The following FRAS1 variants were observed in gnomAD, a reference collection of about 807,000 sequenced individuals.
The protein encoded by FRAS1 is Fraser extracellular matrix complex subunit 1.
FRAS1 carries 290 observed loss-of-function variants against 435.2 expected under a neutral mutation model. The ratio of observed to expected loss-of-function variants is 0.67; its 90% CI spans 0.61 to 0.73. FRAS1 has a LOEUF of 0.73. Ranked by LOEUF, FRAS1 falls within the 30% of genes least tolerant of loss-of-function variation. The pLI, the probability that FRAS1 is intolerant of heterozygous loss-of-function variation, is 0.00. For synonymous variants in FRAS1, 1,800 were observed against 1,851.0 expected, an observed-to-expected ratio of 0.97 and a Z score of 0.71; for missense variants, 4,860 against 5,001.5, an observed-to-expected ratio of 0.97 and a Z score of 0.85.
intron 4 of FRAS1, among the ~76,000 whole-genome samples, chr4:78,252,168 T>TA (rs1204079499): frequency 6.6e-6 from 1 of 152,158 alleles, no homozygotes; most frequent in East Asian, 1.9e-4. Context: ...AATTTGTAAA[T>TA]AAAAAATCTT....
intron 2 of FRAS1, among the ~76,000 whole-genome samples, chr4:78,229,228 A>G (rs930122594): frequency 6.6e-6 from 1 of 152,118 alleles, no homozygotes; most frequent in Non-Finnish European, 1.5e-5. Context: ...GATAAAATCT[A>G]TCTCAAAGGT....
At chr4:78,285,830 G>C (rs903362974) in intron 13 of FRAS1, among the ~76,000 whole-genome samples, 11 of 152,178 alleles carry the variant, frequency 7.2e-5, no homozygotes, top group African/African-American at 2.4e-4. Flanking sequence ...TAGGTGCCTA[G>C]CCTGATGTCT....
intron 2 of FRAS1, among the ~76,000 whole-genome samples, chr4:78,080,064 C>G (rs1740826670): frequency 6.6e-6 from 1 of 152,100 alleles, no homozygotes; most frequent in Non-Finnish European, 1.5e-5. Flanking sequence ...TCCCCTTTGG[C>G]CCCAAAGGGG....
chr4:78,236,725 A>C (rs774892600), intron 2 of FRAS1, among the ~76,000 whole-genome samples: 2 of 152,222 alleles, frequency 1.3e-5, no homozygotes, highest in Admixed American at 1.3e-4. Context: ...AGCATGAGGA[A>C]AGGTGAGAAA....
chr4:78,065,947 T>G lies in FRAS1; in HGVS notation c.77-38T>G, dbSNP rs372634090. The G allele has an allele frequency of 3.8e-5, 59 of 1,549,420 alleles. No homozygotes were observed. The African/African-American group carries it at 6.7e-4, about 18-fold the overall frequency. On this transcript the variant is annotated intron_variant, in intron 1 of 73. Coordinates refer to ENST00000512123, the MANE Select transcript of FRAS1 (RefSeq NM_025074.7). ...TGGGGCAGTGCCTATTGGTTTATTA[T>G]GCATCCCTTTTAATTCTTGTTTTGT...
chr4:78,228,485 C>T (rs1225190766), intron 2 of FRAS1, among the ~76,000 whole-genome samples: 2 of 152,124 alleles, frequency 1.3e-5, no homozygotes, highest in Non-Finnish European at 1.5e-5. Context: ...GCCTGTATTT[C>T]TATTGCTTCA....
intron 2 of FRAS1, among the ~76,000 whole-genome samples, chr4:78,190,415 C>T (rs1450041795): frequency 1.3e-5 from 2 of 152,122 alleles, no homozygotes; most frequent in African/African-American, 2.4e-5. Flanking sequence ...GGTCATTTCT[C>T]CCACCTCCCT....
At position 78,515,799 on chromosome 4, in the gene FRAS1, AGG is replaced by A. The variant is rs1721190172; in HGVS notation, c.10176_10177del (p.Glu3392AspfsTer6). The A allele has an allele frequency of 1.2e-6, 2 of 1,613,270 alleles. No homozygotes were observed. The highest frequency in any genetic ancestry group is 1.7e-4 in the Middle Eastern group (1 of 5,942). On this transcript the variant is annotated frameshift_variant and splice_region_variant, in exon 66 of 74. Transcript: ENST00000512123. LOFTEE classifies it high-confidence loss of function. The stretch of plus-strand genomic sequence containing the variant: ...TTCCTTGTTCTTCCCTCCCTGGCAG[AGG>A]CAGGGTTCCTGGATGATGTGGTCTA...
intron 61 of FRAS1, among the ~76,000 whole-genome samples, chr4:78,503,304 G>T (rs1327132341): frequency 6.6e-6 from 1 of 152,136 alleles, no homozygotes; most frequent in Non-Finnish European, 1.5e-5. Flanking sequence ...GCTCTTCTTT[G>T]TACCTCTGAT....
intron 14 of FRAS1, among the ~76,000 whole-genome samples, chr4:78,306,234 T>C (rs1728707147): frequency 1.3e-5 from 2 of 151,946 alleles, no homozygotes; most frequent in East Asian, 1.9e-4. Context: ...AGAGATCCGC[T>C]GTTAGTCTGA....
At chr4:78,504,116 G>A (rs923603082) in intron 61 of FRAS1, among the ~76,000 whole-genome samples, 1 of 152,172 alleles carries the variant, frequency 6.6e-6, no homozygotes, top group African/African-American at 2.4e-5. Flanking sequence ...TCCATTTGCT[G>A]AGGAGTACTT....
intron 2 of FRAS1, among the ~76,000 whole-genome samples, chr4:78,232,849 A>G (rs1314414448): frequency 6.6e-6 from 1 of 152,210 alleles, no homozygotes; most frequent in Non-Finnish European, 1.5e-5. Context: ...GTGAATTTTG[A>G]GATATACAAA....
intron 2 of FRAS1, among the ~76,000 whole-genome samples, chr4:78,209,606 T>C (rs1723418354): frequency 6.6e-6 from 1 of 152,158 alleles, no homozygotes; most frequent in Admixed American, 6.5e-5. Flanking sequence ...CTATATCTTA[T>C]ACTTTCCTTG....
chr4:78,436,306 T>C (rs1734426718), intron 38 of FRAS1, among the ~76,000 whole-genome samples: 1 of 152,184 alleles, frequency 6.6e-6, no homozygotes, highest in Non-Finnish European at 1.5e-5. Context: ...ATTAAAACCA[T>C]ATACCATTTT....
chr4:78,382,793 G>A (rs1732072787), intron 27 of FRAS1, among the ~76,000 whole-genome samples: 1 of 152,154 alleles, frequency 6.6e-6, no homozygotes, highest in Non-Finnish European at 1.5e-5. Flanking sequence ...AACCCCAAAA[G>A]TCTTTTTATA....
chr4:78,127,900 C>T (rs1397129919), intron 2 of FRAS1, among the ~76,000 whole-genome samples: 1 of 117,864 alleles, frequency 8.5e-6, no homozygotes, highest in African/African-American at 3.1e-5. Context: ...TATCCCTTCC[C>T]CCTCCCCCCA....
chr4:78,289,793 C>A (rs1449032325), intron 14 of FRAS1, among the ~76,000 whole-genome samples: 1 of 152,146 alleles, frequency 6.6e-6, no homozygotes, highest in Non-Finnish European at 1.5e-5. Flanking sequence ...GATGGCCAGG[C>A]TTTATCCATG....
chr4:78,276,698 G>A (rs916723165), intron 9 of FRAS1, among the ~76,000 whole-genome samples: 19 of 152,298 alleles, frequency 1.2e-4, no homozygotes, highest in Admixed American at 1.0e-3. Context: ...AGGGGCACCC[G>A]GCCGTGTGAG....
intron 18 of FRAS1, among the ~76,000 whole-genome samples, chr4:78,332,165 G>C (rs576410303): frequency 6.6e-6 from 1 of 152,256 alleles, no homozygotes; most frequent in African/African-American, 2.4e-5. Context: ...TAGTAGCCTG[G>C]AGTGTAAGCG....
Sources: allele counts gnomAD v4.1 joint callset (sites outside exome capture counted in the v4.1 genomes callset), GRCh38; gene constraint gnomAD v4.1.1; transcripts MANE v1.5; gene names NCBI Gene and HGNC (gene_info 2026-07-23, HGNC 2026-07-21).